The following CALCA variants were observed in gnomAD, a reference collection of about 807,000 sequenced individuals.
CALCA encodes the protein calcitonin.
CALCA carries 4 observed loss-of-function variants against 6.9 expected under a neutral mutation model. The ratio of observed to expected loss-of-function variants is 0.58; its 90% CI spans 0.29 to 1.33. The LOEUF is 1.33. Among genes scored for constraint, CALCA ranks in the 40% most tolerant of loss-of-function variants. The pLI is 0.09. For missense variants in CALCA, 174 were observed against 178.3 expected (o/e 0.98, Z 0.14); for synonymous variants, 78 against 70.0 (o/e 1.11, Z -0.57).
Position 14,970,563 on chromosome 11 carries a change from T to C in CALCA, c.87-488A>G, listed in dbSNP as rs1020660394. Among the ~76,000 whole-genome samples, 3 of 152,150 alleles carry C rather than the reference T, an allele frequency of 2.0e-5. No homozygotes were observed. In the East Asian group the frequency reaches 5.8e-4, roughly 29 times the overall value. On this transcript the variant is annotated intron_variant, in intron 2 of 3. Coordinates refer to ENST00000331587, the MANE Select transcript of CALCA (RefSeq NM_001741.3). ...ATGGCTACACATACAAAAGTTTGGC[T>C]AAAAGCAACAAAAGCATTTTGTGAG...
chr11:14,969,589 T>G (rs1281557679), intron 3 of CALCA, among the ~76,000 whole-genome samples: 2 of 152,154 alleles, frequency 1.3e-5, no homozygotes, highest in Non-Finnish European at 2.9e-5. Flanking sequence ...AGATGTACTA[T>G]GTGTATCCCT....
intron 1 of CALCA, 122 bp from the exon 2 acceptor site, chr11:14,971,323 T>C: frequency 1.4e-6 from 1 of 734,526 alleles, no homozygotes. Flanking sequence ...GGCTTCAGAC[T>C]GGTCATTATA....
chr11:14,971,044 A>C, intron 2 of CALCA, 63 bp downstream of exon 2: 1 of 1,393,792 alleles, frequency 7.2e-7, no homozygotes, highest in Non-Finnish European at 1.0e-6. Context: ...CATTCAGTAC[A>C]CCACACTTAA....
rs782100067 is a variant in CALCA at position 14,969,921 on chromosome 11, T to C, written c.227+14A>G. ...GGAGAGGAGGCCCTGTGCTGAGCGC[T>C]TGGGGAGCCTCACCTGGAGCCCTCT... On this transcript the variant is annotated intron_variant, in intron 3 of 3. Transcript: ENST00000331587. The C allele has an allele frequency of 5.0e-6, 8 of 1,612,474 alleles. No homozygotes were observed. The highest frequency in any genetic ancestry group is 2.2e-5 in the South Asian group (2 of 91,014).
At chr11:14,966,919 G>C (rs1188268659), downstream of CALCA, 1 of 152,650 alleles carries the variant, frequency 6.6e-6, no homozygotes, top group Non-Finnish European at 1.5e-5. Flanking sequence ...ACATAATCAA[G>C]TATTTAAAAA....
In CALCA at chr11:14,968,609, ATTTTCCCAGGTGATTC is replaced by A. The variant is rs2133580285; in HGVS notation, c.*174_*189del. ...CTCAAAGCGGCCCTCATTTTCTGGT[ATTTTCCCAGGTGATTC>A]TCTTCCAACCTGTGAGTCCTGCTCT... On this transcript the variant is annotated 3_prime_UTR_variant, in exon 4 of 4. Coordinates refer to ENST00000331587, the MANE Select transcript of CALCA (RefSeq NM_001741.3). 6.7e-7 allele frequency: 1 copy of A among 1,499,540 alleles called. No individual in the cohort carries two copies. The highest frequency in any genetic ancestry group is 8.9e-7 in the Non-Finnish European group (1 of 1,125,858). 92.9% of individuals were successfully genotyped at this position (1,499,540 alleles called of 1,614,324 possible).
intron 3 of CALCA, among the ~76,000 whole-genome samples, chr11:14,969,328 C>T (rs1228096250): frequency 6.6e-6 from 1 of 152,130 alleles, no homozygotes; most frequent in African/African-American, 2.4e-5. Context: ...CTGGTCTCTG[C>T]TCAGGCTCAA....
In CALCA at chr11:14,968,643, C is replaced by A. The variant is rs546711374; in HGVS notation, c.*156G>T. ...GGTGATTCTCTTCCAACCTGTGAGT[C>A]CTGCTCTCTTTCCTCCCATCTGAAG... On this transcript the variant is annotated 3_prime_UTR_variant, in exon 4 of 4. Transcript: ENST00000331587. 2.0e-5 allele frequency: 32 copies of A among 1,586,266 alleles called. No homozygotes were observed. The East Asian group carries it at 3.2e-4, about 16-fold the overall frequency.
intron 3 of CALCA, 26 bp from the exon 4 acceptor site, chr11:14,969,023 G>A (rs1849526445): frequency 1.2e-6 from 2 of 1,604,664 alleles, no homozygotes; most frequent in South Asian, 1.1e-5. Context: ...ATACCAGACA[G>A]TACCATGCAC....
chr11:14,966,706 G>A (rs560029803), downstream of CALCA: 2 of 152,580 alleles, frequency 1.3e-5, no homozygotes, highest in South Asian at 4.1e-4. Flanking sequence ...TTTTGATAGA[G>A]TTCACAAATG....
chr11:14,970,102 A>G (rs1272097456), intron 2 of CALCA, 27 bp from the exon 3 acceptor site: 4 of 1,613,478 alleles, frequency 2.5e-6, no homozygotes, highest in Non-Finnish European at 3.4e-6. Flanking sequence ...AACTCAGTGC[A>G]GGCTGTGAGC....
intron 2 of CALCA, among the ~76,000 whole-genome samples, chr11:14,970,630 T>G (rs1167082469): frequency 6.6e-6 from 1 of 152,134 alleles, no homozygotes; most frequent in Non-Finnish European, 1.5e-5. Context: ...CCGGGCGCGG[T>G]GGCTCACGGC....
chr11:14,967,526 C>T (rs563994022), downstream of CALCA: 9 of 868,752 alleles, frequency 1.0e-5, no homozygotes, highest in East Asian at 2.7e-5. Flanking sequence ...ATTCTAGGGT[C>T]TTAGCTACTG....
intron 3 of CALCA, 32 bp downstream of exon 3, chr11:14,969,903 A>G: frequency 1.2e-6 from 2 of 1,612,168 alleles, no homozygotes; most frequent in Non-Finnish European, 1.7e-6. Context: ...CGGGGAGAGG[A>G]GGCCCTGTGC....
chr11:14,967,025 ATATG>A (rs781885046), downstream of CALCA: 4 of 152,944 alleles, frequency 2.6e-5, no homozygotes, highest in African/African-American at 7.2e-5. Flanking sequence ...AAGGATGCCT[ATATG>A]TATGTCTTCC....
Position 14,971,207 on chromosome 11 carries a change from A to G in CALCA, c.-9-6T>C, listed in dbSNP as rs781910470. Reference sequence around the variant, plus strand: ...TGGAAGCCCATGACACCTCTCTGCAAGGGAAGAATGAGATAAACCACCTGC... The same window carrying G: ...TGGAAGCCCATGACACCTCTCTGCAGGGGAAGAATGAGATAAACCACCTGC... On this transcript the variant is annotated splice_polypyrimidine_tract_variant and splice_region_variant and intron_variant, in intron 1 of 3. Coordinates refer to ENST00000331587, the MANE Select transcript of CALCA (RefSeq NM_001741.3). The G allele has an allele frequency of 1.9e-6, 3 of 1,606,212 alleles. No individual in the cohort carries two copies. Among genetic ancestry groups the G allele is most frequent in the Non-Finnish European group, 2.6e-6 (3 of 1,172,966 alleles).
rs1456810027 is a variant in CALCA, at chr11:14,972,347, C to G, written c.-112G>C. On this transcript the variant is annotated 5_prime_UTR_variant, in exon 1 of 4. Transcript: ENST00000331587. Reference sequence around the variant, plus strand: ...GCGACACTTGGGCTGGGCAGTGTCTCTGATGCCTCCCAGCGCCAGCGACTG... The same window carrying G: ...GCGACACTTGGGCTGGGCAGTGTCTGTGATGCCTCCCAGCGCCAGCGACTG... 5 of 153,168 alleles carry G rather than the reference C, an allele frequency of 3.3e-5. No homozygotes were observed. The highest frequency in any genetic ancestry group is 2.6e-4 in the Admixed American group (4 of 15,286). 9.5% of individuals were successfully genotyped at this position (153,168 alleles called of 1,614,324 possible). A position where few individuals can be genotyped will look rare whatever the true frequency, so the allele number is the denominator to read the frequency against.
At chr11:14,970,138 G>A in intron 2 of CALCA, 63 bp from the exon 3 acceptor site, 3 of 1,598,664 alleles carry the variant, frequency 1.9e-6, no homozygotes, top group South Asian at 2.2e-5. Flanking sequence ...CCCAGGATAA[G>A]CAGCCAGGCT....
rs1166019497 is a variant in CALCA at position 14,971,193 on chromosome 11, G to T, written c.-1C>A. The T allele has an allele frequency of 6.2e-7, 1 of 1,613,152 alleles. No individual in the cohort carries two copies. The highest frequency in any genetic ancestry group is 1.1e-5 in the South Asian group (1 of 91,050). Reference sequence around the variant, plus strand: ...AGGGGGAGAACTTTTGGAAGCCCATGACACCTCTCTGCAAGGGAAGAATGA... The same window carrying T: ...AGGGGGAGAACTTTTGGAAGCCCATTACACCTCTCTGCAAGGGAAGAATGA... On this transcript the variant is annotated 5_prime_UTR_variant, in exon 2 of 4. Coordinates refer to ENST00000331587, the MANE Select transcript of CALCA (RefSeq NM_001741.3).
Sources: gnomAD v4.1 joint callset for allele counts (sites outside exome capture counted in the v4.1 genomes callset) on GRCh38, gnomAD v4.1.1 for gene constraint, MANE v1.5 for transcripts, NCBI Gene and HGNC (gene_info 2026-07-23, HGNC 2026-07-21) for gene names.